Variants in MAMSTR observed in about 807,000 individuals in gnomAD.
The protein encoded by MAMSTR is MEF2 activating motif and SAP domain containing transcriptional regulator.
In MAMSTR, 41 loss-of-function variants were observed where a neutral mutation model predicts 42.7. The ratio of observed to expected loss-of-function variants is 0.96; its 90% confidence interval spans 0.75 to 1.25. The LOEUF (loss-of-function observed/expected upper bound fraction) is 1.25, where lower values mean the gene tolerates loss of function less well. MAMSTR is among the 50% of genes most tolerant of loss of function. The pLI is 0.00. For missense variants in MAMSTR, 567 were observed against 557.6 expected (o/e 1.02, Z -0.17); for synonymous variants, 265 against 244.1 (o/e 1.09, Z -0.80).
At chr19:48,711,840 G>A (rs543342494), downstream of MAMSTR, among the ~76,000 whole-genome samples, 1 of 150,314 alleles carries the variant, frequency 6.7e-6, no homozygotes, top group East Asian at 2.0e-4. Context: ...CCGCCTCCCG[G>A]GTTCACGCCA....
chr19:48,711,559 G>GTTGTTTGT (rs57913334), downstream of MAMSTR, among the ~76,000 whole-genome samples: 3,402 of 150,408 alleles, frequency 0.023, 100 homozygotes, highest in African/African-American at 0.073. Flanking sequence ...GTGGGTTTTT[G>GTTGTTTGT]TTGTTTGTTT....
chr19:48,709,381 C>T (rs1166708319), downstream of MAMSTR, among the ~76,000 whole-genome samples: 1 of 152,154 alleles, frequency 6.6e-6, no homozygotes, highest in African/African-American at 2.4e-5. Flanking sequence ...CTCCCAACCT[C>T]AGGTGATCCG....
At chr19:48,711,898 A>G (rs2032734530), downstream of MAMSTR, among the ~76,000 whole-genome samples, 1 of 151,532 alleles carries the variant, frequency 6.6e-6, no homozygotes, top group Non-Finnish European at 1.5e-5. Context: ...GGCACATGCC[A>G]CCATGCCCAG....
In MAMSTR at chr19:48,715,624, C is replaced by T. The variant is rs1601252671; in HGVS notation, c.240+1G>A. Reference sequence around the variant, plus strand: ...GACCTCTCCCTCCAGTCGAGACTCACCTTCTTTGGGGACCTCCAAGGAGGA... The same window carrying T: ...GACCTCTCCCTCCAGTCGAGACTCATCTTCTTTGGGGACCTCCAAGGAGGA... On this transcript the variant is annotated splice_donor_variant, in intron 4 of 9. Transcript: ENST00000318083. LOFTEE classifies it high-confidence loss of function. 1 of 1,537,492 alleles carries T rather than the reference C, an allele frequency of 6.5e-7. No individual in the cohort carries two copies. Among genetic ancestry groups the T allele is most frequent in the South Asian group, 1.2e-5 (1 of 82,248 alleles).
rs764726028 is a variant in MAMSTR at position 48,718,954 on chromosome 19, TAAAG to T, written c.58+16_58+19del. On this transcript the variant is annotated intron_variant, in intron 2 of 9. Coordinates refer to ENST00000318083, the MANE Select transcript of MAMSTR (RefSeq NM_001130915.2). The stretch of plus-strand genomic sequence containing the variant: ...TTCTCAGGATCCCATCCCCCACGCA[TAAAG>T]AGAGCCCTCTCTCACCAGATCGGAA... 9.3e-6 allele frequency: 13 copies of T among 1,395,472 alleles called. No homozygotes were observed. The East Asian group carries it at 2.2e-4, about 24-fold the overall frequency. The allele number at this position is 1,395,472 out of a possible 1,614,324, so 86.4% of individuals were successfully genotyped here.
chr19:48,707,874 A>AG (rs1555755198), downstream of MAMSTR, among the ~76,000 whole-genome samples: 1 of 115,920 alleles, frequency 8.6e-6, no homozygotes, highest in African/African-American at 3.5e-5. Flanking sequence ...AAAGAAAGAA[A>AG]GAAAGAAAGA....
Position 48,715,340 on chromosome 19 carries a change from G to T in MAMSTR, c.347C>A (p.Pro116His). ...ACCCAGGGCGGACCCCTCGGCTTGG[G>T]GGTCCGCCCTGGATCCCTGTCTCGG... Reference protein sequence around the residue: ...PEPRQGSRADPQAEGSALGPP... With the variant: ...PEPRQGSRADHQAEGSALGPP... Residue 116 changes from proline (P) to histidine (H), a missense_variant, in exon 5 of 10, where the codon CCC becomes CAC. Transcript: ENST00000318083. 1 of 1,565,236 alleles carries T rather than the reference G, an allele frequency of 6.4e-7. No individual in the cohort carries two copies. The highest frequency in any genetic ancestry group is 8.6e-7 in the Non-Finnish European group (1 of 1,163,868).
At chr19:48,707,413 T>TG in the MAMSTR span, among the ~76,000 whole-genome samples, 1 of 136,868 alleles carries the variant, frequency 7.3e-6, no homozygotes, top group African/African-American at 2.7e-5. Flanking sequence ...AGACTCCGTC[T>TG]AAAAAAAAAA....
downstream of MAMSTR, among the ~76,000 whole-genome samples, chr19:48,712,009 G>C (rs2122257965): frequency 6.6e-6 from 1 of 152,184 alleles, no homozygotes; most frequent in Admixed American, 6.5e-5. Flanking sequence ...GCCCACCTTG[G>C]CCTCCCAAAG....
chr19:48,713,356 A>C lies in MAMSTR; in HGVS notation c.1159T>G (p.Ser387Ala). 1 of 1,607,644 alleles carries C rather than the reference A, an allele frequency of 6.2e-7. No homozygotes were observed. Among genetic ancestry groups the C allele is most frequent in the South Asian group, 1.1e-5 (1 of 90,782 alleles). The change falls in exon 10 of 10, where the codon TCT becomes GCT. Residue 387 changes from serine to alanine, a missense_variant. Physicochemically the swap from Ser to Ala is moderately conservative, Grantham distance 99. Coordinates refer to ENST00000318083, the MANE Select transcript of MAMSTR (RefSeq NM_001130915.2). ...EALSGGPPLG[S>A]GPPPPSIFSA... ...AAGATGCTGGGGGGTGGGGGACCAG[A>C]ACCCAGAGGAGGACCCCCGCTCAGG... is the stretch of plus-strand genomic sequence containing the variant.
chr19:48,706,568 T>C, the MAMSTR span, among the ~76,000 whole-genome samples: 2 of 151,648 alleles, frequency 1.3e-5, no homozygotes, highest in East Asian at 2.0e-4. Flanking sequence ...ACCTGGGAGA[T>C]GGAGGTTGCA....
downstream of MAMSTR, among the ~76,000 whole-genome samples, chr19:48,707,901 A>AAAAGAAAGAAAAGAAAGAAAGGAAGG (rs1281685985): frequency 7.8e-6 from 1 of 128,452 alleles, no homozygotes; most frequent in Non-Finnish European, 1.7e-5. Flanking sequence ...AGAAAGAAAG[A>AAAAGAAAGAAAAGAAAGAAAGGAAGG]AAGGAAGAAA....
chr19:48,715,378 G>A lies in MAMSTR; in HGVS notation c.309C>T (p.Tyr103=), dbSNP rs1261862271. The A allele has an allele frequency of 6.5e-7, 1 of 1,531,118 alleles. No homozygotes were observed. The highest frequency in any genetic ancestry group is 1.4e-5 in the African/African-American group (1 of 71,594). 94.8% of individuals were successfully genotyped at this position (1,531,118 alleles called of 1,614,324 possible). A position where few individuals can be genotyped will look rare whatever the true frequency, so the allele number is the denominator to read the frequency against. Residue 103 remains tyrosine, a synonymous_variant, in exon 5 of 10, where the codon TAC becomes TAT. Coordinates refer to ENST00000318083, the MANE Select transcript of MAMSTR (RefSeq NM_001130915.2). ...KPRGNLTYHQ[Y]MPPEPRQGSR... ...ATCCCTGTCTCGGCTCTGGGGGCATGTACTGGTGGTATGTCAAGTTCCCCC... is the reference window on the plus strand; with the variant it reads ...ATCCCTGTCTCGGCTCTGGGGGCATATACTGGTGGTATGTCAAGTTCCCCC...
Position 48,719,055 on chromosome 19 carries a change from G to T in MAMSTR, c.-21-3C>A. ...ATTGCCAAGGCCGGGATGGGGACCTGGACGGAGAGGGGGCAGGGCAGGGGC... is the reference window on the plus strand; with the variant it reads ...ATTGCCAAGGCCGGGATGGGGACCTTGACGGAGAGGGGGCAGGGCAGGGGC... On this transcript the variant is annotated splice_region_variant and splice_polypyrimidine_tract_variant and intron_variant, in intron 1 of 9. Coordinates refer to ENST00000318083, the MANE Select transcript of MAMSTR (RefSeq NM_001130915.2). The surrounding 1 kb of genome is among the most constrained non-coding windows in gnomAD (Gnocchi z 4.4). 6.5e-7 allele frequency: 1 copy of T among 1,549,962 alleles called. No homozygotes were observed. Among genetic ancestry groups the T allele is most frequent in the Non-Finnish European group, 8.7e-7 (1 of 1,146,220 alleles).
At chr19:48,711,223 A>G (rs987558679), downstream of MAMSTR, among the ~76,000 whole-genome samples, 1 of 152,216 alleles carries the variant, frequency 6.6e-6, no homozygotes, top group Non-Finnish European at 1.5e-5. Flanking sequence ...TGGCTCTTGG[A>G]ATACTCACTC....
Position 48,717,058 on chromosome 19 carries a change from C to T in MAMSTR, c.59-315G>A, listed in dbSNP as rs529192428. The T allele has an allele frequency of 2.7e-5, 26 of 967,562 alleles. No homozygotes were observed. In the African/African-American group the frequency reaches 3.8e-4, roughly 14 times the overall value. The allele number at this position is 967,562 out of a possible 1,614,324, so 59.9% of individuals were successfully genotyped here. ...GCGTGTGCCCACCCCACCCCCTGCG[C>T]AATCGCTATCTTGGCAGCCTGGCCC... On this transcript the variant is annotated intron_variant, in intron 2 of 9. Transcript: ENST00000318083.
downstream of MAMSTR, among the ~76,000 whole-genome samples, chr19:48,707,888 A>AAAGAAAGAAAAG (rs776827691): frequency 1.2e-5 from 1 of 80,416 alleles, no homozygotes; most frequent in East Asian, 5.0e-4. Context: ...AGAAAGAAAG[A>AAAGAAAGAAAAG]AAAGAAAGAA....
At chr19:48,714,623 C>T (rs1555756817) in intron 6 of MAMSTR, 63 bp from the exon 7 acceptor site, 13 of 1,424,670 alleles carry the variant, frequency 9.1e-6, no homozygotes, top group Admixed American at 2.5e-5. Flanking sequence ...CAGGCAGGAG[C>T]TGGACAGGAT....
chr19:48,715,940 G>T, intron 3 of MAMSTR, 173 bp from the exon 4 acceptor site: 1 of 1,402,742 alleles, frequency 7.1e-7, no homozygotes, highest in East Asian at 3.0e-5. Flanking sequence ...GTGTGGGGGG[G>T]CTCCGGTTGC....
Sources: allele counts gnomAD v4.1 joint callset (sites outside exome capture counted in the v4.1 genomes callset), GRCh38; gene constraint gnomAD v4.1.1; non-coding constraint Gnocchi (gnomAD v3.1); transcripts MANE v1.5; gene names NCBI Gene and HGNC (gene_info 2026-07-23, HGNC 2026-07-21).